Variants in PRKAR2B observed in about 807,000 individuals in gnomAD.
PRKAR2B encodes the protein protein kinase cAMP-dependent type II regulatory subunit beta.
In PRKAR2B, 14 loss-of-function variants were observed where a neutral mutation model predicts 49.9. That is an observed-to-expected ratio of 0.28 (90% CI 0.19 to 0.44). PRKAR2B has a LOEUF of 0.44. Among genes scored for constraint, PRKAR2B ranks in the 20% least tolerant of loss-of-function variants. The pLI is 1.00. For missense variants in PRKAR2B, 393 were observed against 537.9 expected, an observed-to-expected ratio of 0.73 and a Z score of 2.67; for synonymous variants, 196 against 197.7, an observed-to-expected ratio of 0.99 and a Z score of 0.07.
At chr7:107,048,976 C>T (rs76214791) in intron 1 of PRKAR2B, among the ~76,000 whole-genome samples, 10,785 of 152,242 alleles carry the variant, frequency 0.071, 536 homozygotes, top group South Asian at 0.18. Flanking sequence ...CCCTCTTCCC[C>T]GTCCTAGAGA....
At chr7:107,117,729 C>T (rs969946949) in intron 2 of PRKAR2B, among the ~76,000 whole-genome samples, 1 of 151,828 alleles carries the variant, frequency 6.6e-6, no homozygotes, top group African/African-American at 2.4e-5. Context: ...AATCCCTCAT[C>T]TATCATTCTT....
chr7:107,079,813 A>ATT (rs1794482034), intron 2 of PRKAR2B, among the ~76,000 whole-genome samples: 1 of 152,234 alleles, frequency 6.6e-6, no homozygotes, highest in African/African-American at 2.4e-5. Flanking sequence ...CTGAGAAACA[A>ATT]GGACACTCTG....
intron 4 of PRKAR2B, among the ~76,000 whole-genome samples, chr7:107,139,213 A>G (rs1253659722): frequency 6.6e-6 from 1 of 152,158 alleles, no homozygotes; most frequent in Non-Finnish European, 1.5e-5. Flanking sequence ...AGCAACATAA[A>G]GCTGATTTAG....
At chr7:107,129,837 A>G (rs991846589) in intron 4 of PRKAR2B, among the ~76,000 whole-genome samples, 14 of 152,094 alleles carry the variant, frequency 9.2e-5, no homozygotes, top group African/African-American at 3.4e-4. Flanking sequence ...GTAAACTGTC[A>G]TGGTTCTGGT....
intron 2 of PRKAR2B, among the ~76,000 whole-genome samples, chr7:107,098,522 A>G (rs1178043760): frequency 1.3e-5 from 2 of 152,312 alleles, no homozygotes; most frequent in South Asian, 2.1e-4. Flanking sequence ...TCAACTCGTC[A>G]AAGTCATTCT....
chr7:107,070,705 A>G (rs981502981), intron 2 of PRKAR2B, among the ~76,000 whole-genome samples: 1 of 152,206 alleles, frequency 6.6e-6, no homozygotes, highest in African/African-American at 2.4e-5. Context: ...AGGACACCTT[A>G]GAAACAGTGA....
intron 1 of PRKAR2B, chr7:107,068,692 T>C (rs1198597496): frequency 6.6e-6 from 1 of 152,180 alleles, no homozygotes; most frequent in East Asian, 1.9e-4. Context: ...TTATGAATTA[T>C]TTCACAAAGT....
intron 1 of PRKAR2B, among the ~76,000 whole-genome samples, chr7:107,055,332 A>G (rs1793890713): frequency 6.6e-6 from 1 of 152,192 alleles, no homozygotes; most frequent in Non-Finnish European, 1.5e-5. Context: ...ATACCCAGTA[A>G]TGGGATGGCT....
At position 107,152,118 on chromosome 7, in the gene PRKAR2B, G is replaced by A. The variant is rs1283543468; in HGVS notation, c.844-1059G>A. ...CCAGTGTCTCAGGCCAAAAACCTTC[G>A]AGTTAGCACTGACTCATATGAACCA... On this transcript the variant is annotated intron_variant, in intron 7 of 10. Coordinates refer to ENST00000265717, the MANE Select transcript of PRKAR2B (RefSeq NM_002736.3). 7.2e-5 allele frequency among the ~76,000 whole-genome samples: 11 copies of A among 152,244 alleles called. No homozygotes were observed. In the East Asian group the frequency reaches 2.1e-3, roughly 29 times the overall value.
chr7:107,121,355 T>C (rs1322597427), intron 2 of PRKAR2B, among the ~76,000 whole-genome samples: 1 of 152,182 alleles, frequency 6.6e-6, no homozygotes, highest in African/African-American at 2.4e-5. Flanking sequence ...CGGCATATAA[T>C]AATCTGCAAT....
At chr7:107,153,402 G>T (rs55816289) in intron 8 of PRKAR2B, 151 bp downstream of exon 8, 7,383 of 504,760 alleles carry the variant, frequency 0.015, 77 homozygotes, top group Non-Finnish European at 0.02. Flanking sequence ...TGTTAAAAAT[G>T]GTTTCATTTA....
Position 107,161,332 on chromosome 7 carries a change from T to G in PRKAR2B, c.*1750T>G, listed in dbSNP as rs1321620758. ...TCATCATTCTGTATTCTTACTCACT[T>G]TTTCAAGTTATCTATTTTGTTGCAT... On this transcript the variant is annotated 3_prime_UTR_variant, in exon 11 of 11. Transcript: ENST00000265717. 6.6e-6 allele frequency: 1 copy of G among 152,632 alleles called. No homozygotes were observed. Among genetic ancestry groups the G allele is most frequent in the Non-Finnish European group, 1.5e-5 (1 of 68,036 alleles). 9.5% of individuals were successfully genotyped at this position (152,632 alleles called of 1,614,324 possible). A position where few individuals can be genotyped will look rare whatever the true frequency, so the allele number is the denominator to read the frequency against.
intron 2 of PRKAR2B, among the ~76,000 whole-genome samples, chr7:107,105,321 T>G (rs1337076843): frequency 2.0e-5 from 3 of 152,212 alleles, no homozygotes; most frequent in Non-Finnish European, 4.4e-5. Flanking sequence ...TATGAGGCTC[T>G]CCTAATTGAA....
intron 1 of PRKAR2B, among the ~76,000 whole-genome samples, chr7:107,053,433 G>A (rs1219900047): frequency 2.6e-5 from 4 of 151,802 alleles, no homozygotes; most frequent in Non-Finnish European, 1.5e-5. Flanking sequence ...GACTACAGCT[G>A]TAAACAATAC....
chr7:107,083,528 G>A (rs984037870), intron 2 of PRKAR2B, among the ~76,000 whole-genome samples: 6 of 151,952 alleles, frequency 3.9e-5, no homozygotes, highest in Non-Finnish European at 7.4e-5. Flanking sequence ...CCATTTTACA[G>A]GTATGGAAAC....
intron 2 of PRKAR2B, among the ~76,000 whole-genome samples, chr7:107,111,978 G>A (rs1795181290): frequency 1.8e-5 from 2 of 110,912 alleles, no homozygotes; most frequent in African/African-American, 6.9e-5. Context: ...ACCAGCCTAA[G>A]CAATATAGCA....
chr7:107,054,631 C>T (rs960706416), intron 1 of PRKAR2B, among the ~76,000 whole-genome samples: 11 of 152,112 alleles, frequency 7.2e-5, no homozygotes, highest in African/African-American at 2.7e-4. Context: ...CAAGGGTCCT[C>T]AGTCTAGGTA....
intron 8 of PRKAR2B, among the ~76,000 whole-genome samples, chr7:107,156,025 T>A (rs1796080609): frequency 6.6e-6 from 1 of 152,124 alleles, no homozygotes; most frequent in South Asian, 2.1e-4. Flanking sequence ...AAACACCGAA[T>A]GTTCTCACTC....
At chr7:107,141,459 G>C (rs1482230554) in intron 5 of PRKAR2B, among the ~76,000 whole-genome samples, 1 of 152,166 alleles carries the variant, frequency 6.6e-6, no homozygotes, top group African/African-American at 2.4e-5. Flanking sequence ...GGGAAGCCGA[G>C]GCCAGTGGAT....
Sources: allele counts gnomAD v4.1 joint callset (sites outside exome capture counted in the v4.1 genomes callset), GRCh38; gene constraint gnomAD v4.1.1; transcripts MANE v1.5; gene names NCBI Gene and HGNC (gene_info 2026-07-23, HGNC 2026-07-21).